The following ZNF804B variants were observed in gnomAD, a reference collection of about 807,000 sequenced individuals.
The protein encoded by ZNF804B is zinc finger 804B.
A neutral mutation model predicts 101.4 loss-of-function variants in ZNF804B; 80 were observed. The ratio of observed to expected loss-of-function variants is 0.79; its 90% CI spans 0.66 to 0.95. The LOEUF (loss-of-function observed/expected upper bound fraction) is 0.95. Ranked by LOEUF, ZNF804B falls within the 40% of genes least tolerant of loss-of-function variation. The pLI is 0.00. For synonymous variants in ZNF804B, 622 were observed against 558.8 expected, an observed-to-expected ratio of 1.11 and a Z score of -1.59; for missense variants, 1,673 against 1,561.9, an observed-to-expected ratio of 1.07 and a Z score of -1.20.
At chr7:88,990,938 C>A (rs976207573) in intron 1 of ZNF804B, among the ~76,000 whole-genome samples, 1 of 151,766 alleles carries the variant, frequency 6.6e-6, no homozygotes, top group African/African-American at 2.4e-5. Flanking sequence ...ACATTTTGTT[C>A]TTTGGTCATA....
intron 1 of ZNF804B, among the ~76,000 whole-genome samples, chr7:89,007,570 T>A (rs1271492925): frequency 1.5e-5 from 2 of 129,714 alleles, no homozygotes; most frequent in Non-Finnish European, 3.2e-5. Context: ...CTATTATAAT[T>A]ATATATAATA....
At chr7:88,810,849 C>G (rs1158263278) in intron 1 of ZNF804B, among the ~76,000 whole-genome samples, 1 of 151,958 alleles carries the variant, frequency 6.6e-6, no homozygotes, top group Non-Finnish European at 1.5e-5. Context: ...ATCTTTGAAT[C>G]TTAGCTAATT....
intron 1 of ZNF804B, among the ~76,000 whole-genome samples, chr7:88,971,664 G>A (rs750774996): frequency 1.1e-4 from 17 of 151,556 alleles, no homozygotes; most frequent in Non-Finnish European, 1.6e-4. Flanking sequence ...GATAAAAATT[G>A]TATTCTTTTT....
intron 1 of ZNF804B, among the ~76,000 whole-genome samples, chr7:89,063,902 C>T (rs1168653832): frequency 6.6e-6 from 1 of 151,972 alleles, no homozygotes; most frequent in East Asian, 1.9e-4. Context: ...ACAAAGTGCC[C>T]TCAGAAAAAA....
At chr7:89,179,036 T>C (rs1490353411) in intron 1 of ZNF804B, among the ~76,000 whole-genome samples, 1 of 152,186 alleles carries the variant, frequency 6.6e-6, no homozygotes, top group Non-Finnish European at 1.5e-5. Flanking sequence ...TGTTGTCAGA[T>C]ATTTTGGAAC....
In ZNF804B at chr7:88,843,503, T is replaced by A. The variant is rs145198922; in HGVS notation, c.108+83419T>A. On this transcript the variant is annotated intron_variant, in intron 1 of 3. Coordinates refer to ENST00000333190, the MANE Select transcript of ZNF804B (RefSeq NM_181646.5). ...CTGTAATCCCAGCACTTGGGGAGGCTGAGATGGGCAGATCACAAGGTCAGG... is the reference window on the plus strand; with the variant it reads ...CTGTAATCCCAGCACTTGGGGAGGCAGAGATGGGCAGATCACAAGGTCAGG... Among the ~76,000 whole-genome samples the A allele has an allele frequency of 8.6e-3, 1,306 of 152,122 alleles. 15 individuals are homozygous for A. The highest frequency in any genetic ancestry group is 0.024 in the Middle Eastern group (7 of 292).
intron 1 of ZNF804B, among the ~76,000 whole-genome samples, chr7:89,096,010 C>T (rs992477435): frequency 6.6e-6 from 1 of 151,902 alleles, no homozygotes; most frequent in Admixed American, 6.6e-5. Flanking sequence ...AAAAAATTAG[C>T]CGGGCATGGT....
At chr7:88,846,541 G>T (rs1409343273) in intron 1 of ZNF804B, among the ~76,000 whole-genome samples, 3 of 152,090 alleles carry the variant, frequency 2.0e-5, no homozygotes, top group Non-Finnish European at 4.4e-5. Flanking sequence ...ACGCCTCAAG[G>T]CCTGGCACAG....
At chr7:89,088,665 A>C (rs1789840890) in intron 1 of ZNF804B, among the ~76,000 whole-genome samples, 2 of 144,836 alleles carry the variant, frequency 1.4e-5, no homozygotes. Context: ...GCTGTCTCTG[A>C]TGTTGCTCTT....
intron 2 of ZNF804B, among the ~76,000 whole-genome samples, chr7:89,279,813 C>G (rs890249180): frequency 6.6e-5 from 10 of 151,766 alleles, no homozygotes; most frequent in Non-Finnish European, 1.3e-4. Context: ...CTAAAATTCT[C>G]TTTTTTGGTT....
chr7:89,255,657 C>G (rs1410721165), intron 2 of ZNF804B, among the ~76,000 whole-genome samples: 1 of 152,006 alleles, frequency 6.6e-6, no homozygotes, highest in Non-Finnish European at 1.5e-5. Context: ...AGGAAAATAT[C>G]TTTATAATTG....
chr7:89,171,288 G>GCTGCTTCTTCTT lies in ZNF804B; in HGVS notation c.109-46865_109-46864insGCTTCTTCTTCT, dbSNP rs1215246589. ...AGTAGGCACAAATAATGCTGCTGCT[G>GCTGCTTCTTCTT]CTTCTTCTTCTTCTTCTTCTTCTTC... On this transcript the variant is annotated intron_variant, in intron 1 of 3. Transcript: ENST00000333190. Among the ~76,000 whole-genome samples the GCTGCTTCTTCTT allele has an allele frequency of 3.0e-3, 250 of 82,498 alleles. 7 individuals carry two copies. The highest frequency in any genetic ancestry group is 8.2e-3 in the African/African-American group (169 of 20,636). The allele number at this position is 82,498 out of a possible 152,430, so 54.1% of individuals were successfully genotyped here.
At chr7:88,909,878 A>G (rs772247707) in intron 1 of ZNF804B, among the ~76,000 whole-genome samples, 3 of 151,734 alleles carry the variant, frequency 2.0e-5, no homozygotes, top group Non-Finnish European at 4.4e-5. Flanking sequence ...GTCCACTGCA[A>G]ATTTAGTTTT....
intron 1 of ZNF804B, among the ~76,000 whole-genome samples, chr7:88,854,486 C>CTTT (rs1325682304): frequency 2.1e-5 from 1 of 47,026 alleles, no homozygotes; most frequent in Non-Finnish European, 3.5e-5. Flanking sequence ...TCTTTCCTTT[C>CTTT]CTTTCCTTTC....
intron 2 of ZNF804B, among the ~76,000 whole-genome samples, chr7:89,298,167 TTCATATATATATA>T (rs1790413397): frequency 7.9e-6 from 1 of 126,940 alleles, no homozygotes; most frequent in African/African-American, 2.9e-5. Flanking sequence ...ATATATATAT[TTCATATATATATA>T]GTGTGTATAT....
chr7:89,230,254 A>T (rs1211722796), intron 2 of ZNF804B, among the ~76,000 whole-genome samples: 1 of 152,024 alleles, frequency 6.6e-6, no homozygotes, highest in Non-Finnish European at 1.5e-5. Context: ...AAAAAGATAC[A>T]GTTAATGTAT....
chr7:88,894,318 A>G (rs940331972), intron 1 of ZNF804B, among the ~76,000 whole-genome samples: 6 of 151,258 alleles, frequency 4.0e-5, no homozygotes, highest in Non-Finnish European at 8.8e-5. Flanking sequence ...GGTTGAAGTG[A>G]TTTTCCTGCC....
chr7:89,022,119 A>G (rs1272599129), intron 1 of ZNF804B, among the ~76,000 whole-genome samples: 1 of 152,114 alleles, frequency 6.6e-6, no homozygotes, highest in Non-Finnish European at 1.5e-5. Flanking sequence ...GAGACAGGAT[A>G]GTAGAGGCAG....
chr7:89,134,436 C>G (rs1183949886), intron 1 of ZNF804B, among the ~76,000 whole-genome samples: 1 of 152,030 alleles, frequency 6.6e-6, no homozygotes, highest in East Asian at 1.9e-4. Flanking sequence ...AGAGCATAAT[C>G]TCTGCATCCA....
Sources: gnomAD v4.1 joint callset for allele counts (sites outside exome capture counted in the v4.1 genomes callset) on GRCh38, gnomAD v4.1.1 for gene constraint, MANE v1.5 for transcripts, NCBI Gene and HGNC (gene_info 2026-07-23, HGNC 2026-07-21) for gene names.